Variants in MPP7 observed in about 807,000 individuals in gnomAD.
MPP7 encodes MAGUK p55 scaffold protein 7.
Under a neutral mutation model 76.5 loss-of-function variants are expected in MPP7, and 60 were observed. That is an observed-to-expected ratio of 0.78 (90% CI 0.64 to 0.97). The LOEUF (loss-of-function observed/expected upper bound fraction) is 0.97, where lower values mean the gene tolerates loss of function less well. Among genes scored for constraint, MPP7 ranks in the 50% least tolerant of loss-of-function variants. The pLI, the probability that MPP7 is intolerant of heterozygous loss-of-function variation, is 0.00. For missense variants in MPP7, 641 were observed against 694.0 expected (o/e 0.92, Z 0.86); for synonymous variants, 237 against 244.5 (o/e 0.97, Z 0.29).
chr10:28,178,135 G>A lies in MPP7; in HGVS notation c.156+24018C>T, dbSNP rs1248073251. On this transcript the variant is annotated intron_variant, in intron 3 of 16. Transcript: ENST00000683449. ...GCTGAATAGTTCTTTGTTGTGAGGGGCTTTCCTGTCTATCGCAGGATGTTC... is the reference window on the plus strand; with the variant it reads ...GCTGAATAGTTCTTTGTTGTGAGGGACTTTCCTGTCTATCGCAGGATGTTC... Among the ~76,000 whole-genome samples, 3 of 152,074 alleles carry A rather than the reference G, an allele frequency of 2.0e-5. No homozygotes were observed. In the East Asian group the frequency reaches 5.8e-4, roughly 29 times the overall value.
intron 11 of MPP7, among the ~76,000 whole-genome samples, chr10:28,091,472 G>C (rs60959327): frequency 1.3e-5 from 2 of 152,138 alleles, no homozygotes; most frequent in African/African-American, 2.4e-5. Flanking sequence ...ATTTTTAGTA[G>C]AGACGGGGTT....
At chr10:28,181,734 G>T (rs548767572) in intron 3 of MPP7, among the ~76,000 whole-genome samples, 2 of 152,302 alleles carry the variant, frequency 1.3e-5, no homozygotes, top group Admixed American at 6.5e-5. Context: ...TGCCTGAAAA[G>T]AACTTTACTC....
At chr10:28,124,857 A>G (rs940288478) in intron 7 of MPP7, among the ~76,000 whole-genome samples, 153 bp downstream of exon 7, 34 of 152,104 alleles carry the variant, frequency 2.2e-4, no homozygotes, top group African/African-American at 7.0e-4. Context: ...CATTTATTTA[A>G]ATAGGCTCTC....
At chr10:28,146,760 T>C (rs1430881735) in intron 5 of MPP7, among the ~76,000 whole-genome samples, 3 of 152,202 alleles carry the variant, frequency 2.0e-5, no homozygotes, top group Middle Eastern at 3.2e-3. Context: ...TGTAATTATG[T>C]AACCTATATG....
chr10:28,298,984 T>C (rs1841092249), intron 1 of MPP7, among the ~76,000 whole-genome samples: 1 of 152,186 alleles, frequency 6.6e-6, no homozygotes, highest in African/African-American at 2.4e-5. Flanking sequence ...GAAGAGAGGG[T>C]TTTGCTCTGC....
intron 7 of MPP7, 114 bp downstream of exon 7, chr10:28,124,896 T>C (rs1440391249): frequency 2.5e-6 from 2 of 812,182 alleles, no homozygotes; most frequent in Admixed American, 3.8e-5. Context: ...AAATATCTTA[T>C]TACTTGTTCT....
chr10:28,170,951 A>G (rs916816352), intron 3 of MPP7, among the ~76,000 whole-genome samples: 2 of 152,210 alleles, frequency 1.3e-5, no homozygotes, highest in African/African-American at 4.8e-5. Context: ...CCATATCAGT[A>G]TATCATATAA....
intron 2 of MPP7, among the ~76,000 whole-genome samples, chr10:28,209,469 C>CAAA (rs34583825): frequency 1.6e-5 from 2 of 122,618 alleles, no homozygotes; most frequent in African/African-American, 2.8e-5. Context: ...ATCCTATCTC[C>CAAA]AAAAAAAAAA....
Position 28,053,770 on chromosome 10 carries a change from A to G in MPP7, c.*295T>C. ...TCCCATACATACTAAGCCTCTAGCT[A>G]AGTCTCTCTGAAAATTTCAGCCTCA... On this transcript the variant is annotated 3_prime_UTR_variant, in exon 17 of 17. Coordinates refer to ENST00000683449, the MANE Select transcript of MPP7 (RefSeq NM_001318170.2). 1 of 348,198 alleles carries G rather than the reference A, an allele frequency of 2.9e-6. No homozygotes were observed. The highest frequency in any genetic ancestry group is 3.5e-5 in the South Asian group (1 of 28,488). 21.6% of individuals were successfully genotyped at this position (348,198 alleles called of 1,614,324 possible). A position where few individuals can be genotyped will look rare whatever the true frequency, so the allele number is the denominator to read the frequency against.
chr10:28,291,936 T>C (rs973471334), intron 1 of MPP7, among the ~76,000 whole-genome samples: 4 of 152,212 alleles, frequency 2.6e-5, no homozygotes, highest in African/African-American at 7.2e-5. Flanking sequence ...TGTACAGTCA[T>C]GCCCTAGGCC....
In MPP7 at chr10:28,261,724, C is replaced by G. The variant is rs1054213244; in HGVS notation, c.-131-22989G>C. ...ACATTTCTCTATCCTGAGAGAGAGACCGGTTTATCTCACTTTCTATCTCTC... is the reference window on the plus strand; with the variant it reads ...ACATTTCTCTATCCTGAGAGAGAGAGCGGTTTATCTCACTTTCTATCTCTC... On this transcript the variant is annotated intron_variant, in intron 1 of 16. Coordinates refer to ENST00000683449, the MANE Select transcript of MPP7 (RefSeq NM_001318170.2). 3.3e-5 allele frequency among the ~76,000 whole-genome samples: 5 copies of G among 152,128 alleles called. No homozygotes were observed. The East Asian group carries it at 9.6e-4, about 29-fold the overall frequency.
chr10:28,288,477 G>A (rs1214152615), intron 1 of MPP7, among the ~76,000 whole-genome samples: 2 of 152,134 alleles, frequency 1.3e-5, no homozygotes, highest in Non-Finnish European at 2.9e-5. Context: ...CTGGCCTCAA[G>A]TGATCGTCCC....
chr10:28,167,676 G>GTATA (rs34608718), intron 3 of MPP7, among the ~76,000 whole-genome samples: 16,509 of 151,906 alleles, frequency 0.11, 1,486 homozygotes, highest in East Asian at 0.44. Context: ...AAGTTTGCTG[G>GTATA]TATATATATA....
chr10:28,311,500 G>A (rs1338911168), intron 2 of MPP7, among the ~76,000 whole-genome samples: 1 of 152,160 alleles, frequency 6.6e-6, no homozygotes, highest in Non-Finnish European at 1.5e-5. Flanking sequence ...ATGCTGGTAT[G>A]CTAACCTGAG....
At chr10:28,317,261 C>G (rs191636831) in intron 2 of MPP7, among the ~76,000 whole-genome samples, 204 of 152,276 alleles carry the variant, frequency 1.3e-3, no homozygotes, top group African/African-American at 4.8e-3. Context: ...GACACAGTGG[C>G]TCACACCTGT....
In MPP7 at chr10:28,063,475, A is replaced by G. The variant is rs1588713049; in HGVS notation, c.1205-3732T>C. On this transcript the variant is annotated intron_variant, in intron 13 of 16. Coordinates refer to ENST00000683449, the MANE Select transcript of MPP7 (RefSeq NM_001318170.2). ...AGACTCTGTCTCAAAAAAAAAAAAA[A>G]AAGTCAAAAGATTTGAACACGCACT... Among the ~76,000 whole-genome samples the G allele has an allele frequency of 3.3e-5, 5 of 152,144 alleles. No homozygotes were observed. In the South Asian group the frequency reaches 1.0e-3, roughly 32 times the overall value.
At chr10:28,214,548 A>AC (rs11438809) in intron 2 of MPP7, among the ~76,000 whole-genome samples, 5,909 of 152,294 alleles carry the variant, frequency 0.039, 223 homozygotes, top group African/African-American at 0.092. Flanking sequence ...CCGAGTGCTT[A>AC]CTATCTATGT....
chr10:28,167,756 G>A (rs548712036), intron 3 of MPP7, among the ~76,000 whole-genome samples: 11 of 152,192 alleles, frequency 7.2e-5, no homozygotes, highest in Non-Finnish European at 1.3e-4. Context: ...ATATTTTTAC[G>A]TTAACATCAA....
At chr10:28,092,836 T>C (rs1853383636) in intron 11 of MPP7, among the ~76,000 whole-genome samples, 1 of 143,664 alleles carries the variant, frequency 7.0e-6, no homozygotes, top group Admixed American at 7.6e-5. Context: ...CACCTCAGCC[T>C]CCAAAAGTGC....
Sources: allele counts gnomAD v4.1 joint callset (sites outside exome capture counted in the v4.1 genomes callset), GRCh38; gene constraint gnomAD v4.1.1; transcripts MANE v1.5; gene names NCBI Gene and HGNC (gene_info 2026-07-23, HGNC 2026-07-21).